Variants in ARFGEF1 observed in about 807,000 individuals in gnomAD.
The protein encoded by ARFGEF1 is ARF guanine nucleotide exchange factor 1, also known as brefeldin A-inhibited guanine nucleotide-exchange protein 1.
Under a neutral mutation model 231.0 loss-of-function variants are expected in ARFGEF1, and 42 were observed. That is an observed-to-expected ratio of 0.18 (90% CI 0.14 to 0.24). The LOEUF is 0.24. Among genes scored for constraint, ARFGEF1 ranks in the 10% least tolerant of loss-of-function variants. ARFGEF1 has a pLI of 1.00. For synonymous variants in ARFGEF1, 710 were observed against 732.3 expected, an observed-to-expected ratio of 0.97 and a Z score of 0.49; for missense variants, 1,345 against 2,192.0, an observed-to-expected ratio of 0.61 and a Z score of 7.72.
At chr8:67,294,274 T>C (rs1806136418) in intron 5 of ARFGEF1, among the ~76,000 whole-genome samples, 3 of 152,026 alleles carry the variant, frequency 2.0e-5, no homozygotes, top group Non-Finnish European at 4.4e-5. Context: ...CAATCCCCCA[T>C]GAATACTGAG....
chr8:67,254,669 C>T (rs1587141962), intron 17 of ARFGEF1, among the ~76,000 whole-genome samples: 1 of 152,218 alleles, frequency 6.6e-6, no homozygotes, highest in Non-Finnish European at 1.5e-5. Flanking sequence ...CAAACAAAAA[C>T]AAAAGTACAG....
intron 5 of ARFGEF1, among the ~76,000 whole-genome samples, chr8:67,191,490 G>C (rs2129575374): frequency 6.6e-6 from 1 of 152,330 alleles, no homozygotes; most frequent in African/African-American, 2.4e-5. Flanking sequence ...GGTTTCTATA[G>C]ATGTGCCTTT....
At chr8:67,188,331 C>A (rs953388547) in intron 5 of ARFGEF1, among the ~76,000 whole-genome samples, 3 of 152,210 alleles carry the variant, frequency 2.0e-5, no homozygotes, top group Admixed American at 2.0e-4. Context: ...CTAAGCCTAG[C>A]TGGGAAGGTG....
chr8:67,257,083 A>G (rs887782473), intron 17 of ARFGEF1, among the ~76,000 whole-genome samples: 10 of 147,132 alleles, frequency 6.8e-5, no homozygotes, highest in African/African-American at 2.5e-4. Flanking sequence ...AGTTTGAAAC[A>G]TTTTTTTTTT....
chr8:67,220,767 C>G, intron 29 of ARFGEF1, among the ~76,000 whole-genome samples: 1 of 152,298 alleles, frequency 6.6e-6, no homozygotes, highest in South Asian at 2.1e-4. Context: ...CTCCAAGTAA[C>G]TGGATGCTGC....
chr8:67,309,423 T>C (rs572167625), intron 1 of ARFGEF1, among the ~76,000 whole-genome samples: 5 of 152,340 alleles, frequency 3.3e-5, no homozygotes, highest in African/African-American at 1.2e-4. Context: ...TATGCAGACA[T>C]TTAATAAATG....
chr8:67,323,724 C>A (rs186582240), intron 1 of ARFGEF1, among the ~76,000 whole-genome samples: 303 of 152,288 alleles, frequency 2.0e-3, no homozygotes, highest in African/African-American at 6.8e-3. Flanking sequence ...CAGGTTCAAA[C>A]CCTTACTTCT....
At chr8:67,181,243 G>A (rs558908325) in intron 5 of ARFGEF1, among the ~76,000 whole-genome samples, 38 of 150,402 alleles carry the variant, frequency 2.5e-4, no homozygotes, top group African/African-American at 8.8e-4. Flanking sequence ...TCCCTATGTT[G>A]CCCAGGCTGG....
At chr8:67,276,142 A>C (rs767275790) in intron 8 of ARFGEF1, 33 bp from the exon 9 acceptor site, 4 of 1,609,916 alleles carry the variant, frequency 2.5e-6, no homozygotes, top group Admixed American at 3.3e-5. Flanking sequence ...AAAATTTTAG[A>C]GATATTTGCC....
chr8:67,235,744 A>T (rs1839709234), intron 22 of ARFGEF1, among the ~76,000 whole-genome samples: 2 of 152,336 alleles, frequency 1.3e-5, no homozygotes, highest in South Asian at 4.1e-4. Flanking sequence ...TCAAGACTGC[A>T]GTGACCTATG....
intron 22 of ARFGEF1, among the ~76,000 whole-genome samples, chr8:67,236,384 ATATATATATATATATATATATATATATG>A (rs1430218130): frequency 1.2e-5 from 1 of 85,352 alleles, no homozygotes; most frequent in African/African-American, 4.4e-5. Flanking sequence ...ATATATATAT[ATATATATATATATATATATATATATATG>A]TATCCACTGT....
At chr8:67,275,223 A>T (rs1805262270) in intron 9 of ARFGEF1, among the ~76,000 whole-genome samples, 1 of 136,878 alleles carries the variant, frequency 7.3e-6, no homozygotes, top group South Asian at 2.6e-4. Flanking sequence ...TAAAATTGTC[A>T]TATTGCAATA....
intron 16 of ARFGEF1, 34 bp from the exon 17 acceptor site, chr8:67,257,850 T>C (rs1840510525): frequency 6.6e-7 from 1 of 1,526,188 alleles, no homozygotes; most frequent in Non-Finnish European, 9.0e-7. Flanking sequence ...TATAAACTTC[T>C]ACTGTTTTAT....
intron 1 of ARFGEF1, among the ~76,000 whole-genome samples, chr8:67,304,135 T>G (rs972262005): frequency 6.6e-6 from 1 of 152,228 alleles, no homozygotes; most frequent in South Asian, 2.1e-4. Flanking sequence ...GGCCTATACA[T>G]TTTTAACACT....
intron 1 of ARFGEF1, among the ~76,000 whole-genome samples, chr8:67,313,595 T>A (rs991394852): frequency 2.0e-5 from 3 of 152,206 alleles, no homozygotes; most frequent in Non-Finnish European, 4.4e-5. Context: ...AGCTCCAGGC[T>A]TGGTACTGAG....
intron 15 of ARFGEF1, 106 bp downstream of exon 15, chr8:67,259,709 G>A: frequency 1.4e-6 from 1 of 703,822 alleles, no homozygotes; most frequent in Non-Finnish European, 2.2e-6. Flanking sequence ...GAGCCCAGGA[G>A]TTCAAAACTA....
intron 5 of ARFGEF1, among the ~76,000 whole-genome samples, chr8:67,183,517 C>T (rs866529543): frequency 7.2e-5 from 11 of 152,130 alleles, no homozygotes; most frequent in Non-Finnish European, 1.5e-4. Flanking sequence ...TCTCCAAATA[C>T]TTTGGAGATT....
rs750714624 is a variant in ARFGEF1, at chr8:67,179,856, C to T, written c.561-4284G>A. On this transcript the variant is annotated intron_variant, in intron 5 of 5. Coordinates refer to the ARFGEF1 transcript ENST00000518789. ...TAAAAATAGTCATTGAAACATGTTT[C>T]TTTTAGCCCAGAGATGACACTAGTG... The T allele has an allele frequency of 3.5e-5, 55 of 1,583,110 alleles. 1 individual carries two copies. The South Asian group carries it at 5.1e-4, about 15-fold the overall frequency.
At chr8:67,199,276 A>G (rs1331189577) in intron 38 of ARFGEF1, 178 bp from the exon 39 acceptor site, 1 of 606,632 alleles carries the variant, frequency 1.6e-6, no homozygotes, top group Non-Finnish European at 2.7e-6. Context: ...CTCACTTCAT[A>G]CAAACACTAT....
Sources: gnomAD v4.1 joint callset for allele counts (sites outside exome capture counted in the v4.1 genomes callset) on GRCh38, gnomAD v4.1.1 for gene constraint, MANE v1.5 for transcripts, NCBI Gene and HGNC (gene_info 2026-07-23, HGNC 2026-07-21) for gene names.